Variants in SLC23A2 observed in about 807,000 individuals in gnomAD.
The protein encoded by SLC23A2 is Na(+)/L-ascorbic acid transporter 2.
A neutral mutation model predicts 73.3 loss-of-function variants in SLC23A2; 36 were observed. The observed-to-expected ratio is 0.49, with a 90% CI of 0.38 to 0.65. The LOEUF (loss-of-function observed/expected upper bound fraction) is 0.65, where lower values mean the gene tolerates loss of function less well. Ranked by LOEUF, SLC23A2 falls within the 30% of genes least tolerant of loss-of-function variation. The probability of loss-of-function intolerance (pLI) is 0.00; values close to 1 mark genes in which losing one functional copy is unlikely to be tolerated. For synonymous variants in SLC23A2, 343 were observed against 327.3 expected (o/e 1.05, Z -0.52); for missense variants, 507 against 841.6 (o/e 0.60, Z 4.92).
At chr20:4,946,519 T>C (rs1600160508) in intron 2 of SLC23A2, among the ~76,000 whole-genome samples, 1 of 152,108 alleles carries the variant, frequency 6.6e-6, no homozygotes, top group Admixed American at 6.6e-5. Context: ...TTATGGCACA[T>C]AAAGTAAAAT....
chr20:5,005,435 A>G (rs1342268629), upstream of SLC23A2, among the ~76,000 whole-genome samples: 1 of 152,126 alleles, frequency 6.6e-6, no homozygotes, highest in African/African-American at 2.4e-5. Context: ...AAACTAAATC[A>G]GCAGAATATA....
chr20:4,945,694 T>G (rs2087109835), intron 2 of SLC23A2, among the ~76,000 whole-genome samples: 1 of 152,086 alleles, frequency 6.6e-6, no homozygotes, highest in South Asian at 2.1e-4. Flanking sequence ...AACAAAAAAC[T>G]TCAGAGCATA....
At chr20:4,908,415 C>T (rs963818350) in intron 4 of SLC23A2, among the ~76,000 whole-genome samples, 1 of 152,074 alleles carries the variant, frequency 6.6e-6, no homozygotes, top group African/African-American at 2.4e-5. Flanking sequence ...TAAAGATATA[C>T]CTAAAAAGTA....
chr20:4,954,845 T>C (rs1165108715), intron 2 of SLC23A2, among the ~76,000 whole-genome samples: 1 of 151,630 alleles, frequency 6.6e-6, no homozygotes, highest in African/African-American at 2.4e-5. Flanking sequence ...CCAAAGGCAA[T>C]GAGATACATA....
Position 4,883,548 on chromosome 20 carries a change from C to T in SLC23A2, c.824+94G>A, listed in dbSNP as rs1343475779. ...ATAAAGTTGAAACTGTCAGACCATTCTTATTATTGAAAAACATTATCTCCT... is the reference window on the plus strand; with the variant it reads ...ATAAAGTTGAAACTGTCAGACCATTTTTATTATTGAAAAACATTATCTCCT... On this transcript the variant is annotated intron_variant, in intron 9 of 16. Coordinates refer to ENST00000338244, the MANE Select transcript of SLC23A2 (RefSeq NM_005116.6). The surrounding 1 kb of genome is among the most constrained non-coding windows in gnomAD (Gnocchi z 4.5). 3.3e-6 allele frequency: 3 copies of T among 922,440 alleles called. No individual in the cohort carries two copies. The African/African-American group carries it at 5.1e-5, about 16-fold the overall frequency. 57.1% of individuals were successfully genotyped at this position (922,440 alleles called of 1,614,324 possible).
intron 3 of SLC23A2, among the ~76,000 whole-genome samples, chr20:4,916,960 A>G (rs750351648): frequency 3.7e-4 from 56 of 152,116 alleles, no homozygotes; most frequent in Non-Finnish European, 1.5e-4. Context: ...TAGGGGTGTA[A>G]CTCTGTCATA....
At chr20:4,880,813 G>A (rs989416773) in intron 9 of SLC23A2, among the ~76,000 whole-genome samples, 1 of 152,016 alleles carries the variant, frequency 6.6e-6, no homozygotes, top group Non-Finnish European at 1.5e-5. Flanking sequence ...GGCAGCACGT[G>A]AGGCTCCAGA....
intron 1 of SLC23A2, among the ~76,000 whole-genome samples, chr20:4,987,880 T>C (rs377028961): frequency 2.6e-5 from 4 of 151,620 alleles, no homozygotes; most frequent in African/African-American, 9.7e-5. Context: ...CTGTAATCTG[T>C]AATTAGGACA....
chr20:4,963,233 C>G (rs2087420934), intron 2 of SLC23A2, among the ~76,000 whole-genome samples: 1 of 152,206 alleles, frequency 6.6e-6, no homozygotes, highest in African/African-American at 2.4e-5. Context: ...GCCAAATGTC[C>G]TTCGTTATCC....
At position 4,893,232 on chromosome 20, in the gene SLC23A2, T is replaced by C. The variant is rs553812116; in HGVS notation, c.482+6323A>G. Among the ~76,000 whole-genome samples, 20 of 152,110 alleles carry C rather than the reference T, an allele frequency of 1.3e-4. No homozygotes were observed. In the South Asian group the frequency reaches 3.9e-3, roughly 30 times the overall value. ...GTGCACGCCACCACACCCAGCTAAT[T>C]ATTTTTATTATTTGTAGAGACAAGG... On this transcript the variant is annotated intron_variant, in intron 6 of 16. Transcript: ENST00000338244.
intron 1 of SLC23A2, among the ~76,000 whole-genome samples, chr20:4,983,286 C>T (rs986244771): frequency 6.6e-6 from 1 of 152,112 alleles, no homozygotes; most frequent in African/African-American, 2.4e-5. Flanking sequence ...ACACCAAAAT[C>T]ACAAGCAAAA....
chr20:4,980,679 T>G (rs538727465), intron 1 of SLC23A2, among the ~76,000 whole-genome samples: 1 of 152,022 alleles, frequency 6.6e-6, no homozygotes, highest in Non-Finnish European at 1.5e-5. Flanking sequence ...TACAGGTGGC[T>G]GCCACCACAC....
In SLC23A2 at chr20:4,998,568, G is replaced by A. The variant is rs1047112255; in HGVS notation, c.-282+2838C>T. Among the ~76,000 whole-genome samples, 1 of 151,546 alleles carries A rather than the reference G, an allele frequency of 6.6e-6. No homozygotes were observed. The highest frequency in any genetic ancestry group is 1.5e-5 in the Non-Finnish European group (1 of 67,906). On this transcript the variant is annotated intron_variant, in intron 1 of 16. Transcript: ENST00000338244. This position sits in a 1 kb window ranked among gnomAD's most constrained non-coding sequence, Gnocchi z 4.1. ...CAGAAAGAATAAAAGCAAGCCCAGA[G>A]AACAACTGGAGGAATAGCAGGGCAT...
chr20:4,924,622 A>G (rs1249558172), intron 3 of SLC23A2, among the ~76,000 whole-genome samples: 1 of 152,216 alleles, frequency 6.6e-6, no homozygotes, highest in Non-Finnish European at 1.5e-5. Flanking sequence ...CACAAGACCT[A>G]TGGAATCTCT....
In SLC23A2 at chr20:4,874,036, A is replaced by G. The variant is rs1110277; in HGVS notation, c.1002T>C (p.Asp334=). 0.35 allele frequency: 562,724 copies of G among 1,613,582 alleles called. 103,923 individuals are homozygous for G. Among genetic ancestry groups the G allele is most frequent in the African/African-American group, 0.68 (51,150 of 74,954 alleles). ...WLLCFIFTVT[D]VFPPDSTKYG... The stretch of plus-strand genomic sequence containing the variant: ...ACTTTGTGCTGTCGGGAGGGAAGAC[A>G]TCTGTCACCGTGAAGATGAAGCAGA... Residue 334 remains aspartate (D), a synonymous_variant, in exon 11 of 17, where the codon GAT becomes GAC. Transcript: ENST00000338244.
chr20:4,977,380 T>A (rs940913022), intron 1 of SLC23A2, among the ~76,000 whole-genome samples: 3 of 151,266 alleles, frequency 2.0e-5, no homozygotes, highest in African/African-American at 7.3e-5. Context: ...ATTATTATTA[T>A]TTTTTTTTAA....
chr20:4,948,690 C>A (rs970096989), intron 2 of SLC23A2, among the ~76,000 whole-genome samples: 1 of 152,186 alleles, frequency 6.6e-6, no homozygotes, highest in Non-Finnish European at 1.5e-5. Context: ...TTTAAATATT[C>A]CATGCCTGTA....
rs540119871 is a variant in SLC23A2 at position 4,963,140 on chromosome 20, A to G, written c.-155+7653T>C. On this transcript the variant is annotated intron_variant, in intron 2 of 16. Transcript: ENST00000338244. ...TGGAGAATGTAAATATCAATTCCTC[A>G]GCAAATCCTTTCCACATCTCCCAAA... 3.9e-5 allele frequency among the ~76,000 whole-genome samples: 6 copies of G among 152,336 alleles called. No individual in the cohort carries two copies. The East Asian group carries it at 1.2e-3, about 29-fold the overall frequency.
chr20:4,886,114 C>A (rs1931085853), intron 6 of SLC23A2: 5 of 504,076 alleles, frequency 9.9e-6, no homozygotes, highest in Middle Eastern at 5.1e-4. Context: ...CATTGCCACT[C>A]TCCTCCCACC....
Sources: gnomAD v4.1 joint callset for allele counts (sites outside exome capture counted in the v4.1 genomes callset) on GRCh38, gnomAD v4.1.1 for gene constraint, Gnocchi (gnomAD v3.1) non-coding constraint, MANE v1.5 for transcripts, NCBI Gene and HGNC (gene_info 2026-07-23, HGNC 2026-07-21) for gene names.